The following CSNK1G1 variants were observed in gnomAD, a reference collection of about 807,000 sequenced individuals.
CSNK1G1 encodes casein kinase I isoform gamma-1.
In CSNK1G1, 22 loss-of-function variants were observed where a neutral mutation model predicts 59.6. The ratio of observed to expected loss-of-function variants is 0.37; its 90% CI spans 0.26 to 0.53. The LOEUF is 0.53. Ranked by LOEUF, CSNK1G1 falls within the 20% of genes least tolerant of loss-of-function variation. The probability of loss-of-function intolerance (pLI) is 0.89; values close to 1 mark genes in which losing one functional copy is unlikely to be tolerated. For missense variants in CSNK1G1, 384 were observed against 519.5 expected (o/e 0.74, Z 2.54); for synonymous variants, 179 against 177.1 (o/e 1.01, Z -0.08).
intron 10 of CSNK1G1, among the ~76,000 whole-genome samples, chr15:64,192,326 TA>T: frequency 6.6e-6 from 1 of 152,232 alleles, no homozygotes; most frequent in African/African-American, 2.4e-5. Flanking sequence ...CAAGTAGTGG[TA>T]ACTCCTTGGG....
chr15:64,181,431 C>G (rs1309141564), intron 10 of CSNK1G1: 2 of 1,524,538 alleles, frequency 1.3e-6, no homozygotes, highest in Non-Finnish European at 1.8e-6. Context: ...AAGACCTTGG[C>G]TGAAACATGG....
rs74775016 is a variant in CSNK1G1, at chr15:64,342,484, C to T, written c.-225+13504G>A. 100 of 152,278 alleles carry T rather than the reference C, an allele frequency of 6.6e-4. 1 individual carries two copies. Among genetic ancestry groups the T allele is most frequent in the African/African-American group, 2.4e-3 (99 of 41,532 alleles). The allele number at this position is 152,278 out of a possible 1,614,324, so 9.4% of individuals were successfully genotyped here. Reference sequence around the variant, plus strand: ...TTATGTCTGCATTTCCTCAACCAGCCCACTTCATTCATATCTTTTAGTAAT... The same window carrying T: ...TTATGTCTGCATTTCCTCAACCAGCTCACTTCATTCATATCTTTTAGTAAT... On this transcript the variant is annotated intron_variant, in intron 1 of 11. Coordinates refer to ENST00000303052, the MANE Select transcript of CSNK1G1 (RefSeq NM_022048.5).
chr15:64,222,734 A>G (rs2082407470), intron 4 of CSNK1G1, among the ~76,000 whole-genome samples: 1 of 151,986 alleles, frequency 6.6e-6, no homozygotes, highest in South Asian at 2.1e-4. Context: ...ACTGAGTCAG[A>G]ATTTCTAGGA....
rs1454005933 is a variant in CSNK1G1, at chr15:64,216,319, T to C, written c.444+243A>G. ...TTCTCCCTAATCTAAATTATATACT[T>C]CCTCTTCAGTTAAGGGCAGAGCATT... On this transcript the variant is annotated intron_variant, in intron 5 of 11. Transcript: ENST00000303052. This position sits in a 1 kb window ranked among gnomAD's most constrained non-coding sequence, Gnocchi z 4.6. Among the ~76,000 whole-genome samples, 2 of 152,164 alleles carry C rather than the reference T, an allele frequency of 1.3e-5. No homozygotes were observed. Among genetic ancestry groups the C allele is most frequent in the African/African-American group, 4.8e-5 (2 of 41,434 alleles).
At chr15:64,249,593 A>C (rs1891961339) in intron 4 of CSNK1G1, among the ~76,000 whole-genome samples, 1 of 152,226 alleles carries the variant, frequency 6.6e-6, no homozygotes, top group Non-Finnish European at 1.5e-5. Flanking sequence ...AGTTGGCCTA[A>C]CCAGTACAAC....
chr15:64,266,530 T>A (rs1233224491), intron 2 of CSNK1G1, among the ~76,000 whole-genome samples: 2 of 152,222 alleles, frequency 1.3e-5, no homozygotes, highest in East Asian at 3.9e-4. Context: ...ATCCTAAAAT[T>A]CATATGGAAC....
At chr15:64,307,351 A>G (rs1281061667) in intron 1 of CSNK1G1, among the ~76,000 whole-genome samples, 2 of 152,154 alleles carry the variant, frequency 1.3e-5, no homozygotes, top group Non-Finnish European at 2.9e-5. Context: ...TAATAATTCT[A>G]TCTAAAAAAA....
chr15:64,271,115 G>A (rs1007160050), intron 2 of CSNK1G1, among the ~76,000 whole-genome samples: 1 of 151,856 alleles, frequency 6.6e-6, no homozygotes, highest in Non-Finnish European at 1.5e-5. Flanking sequence ...CCTGAGCAGA[G>A]TAGCTGGGAC....
chr15:64,258,779 T>C (rs1433352155), intron 3 of CSNK1G1, among the ~76,000 whole-genome samples: 4 of 152,190 alleles, frequency 2.6e-5, no homozygotes, highest in African/African-American at 9.6e-5. Flanking sequence ...TTTCCATGCT[T>C]GACAGATTTT....
chr15:64,255,001 T>C (rs1596166894), intron 3 of CSNK1G1, among the ~76,000 whole-genome samples: 2 of 152,236 alleles, frequency 1.3e-5, no homozygotes, highest in Non-Finnish European at 2.9e-5. Flanking sequence ...ACTTCACTGT[T>C]ATGTGGGTAT....
intron 2 of CSNK1G1, among the ~76,000 whole-genome samples, chr15:64,266,506 A>C (rs1435901626): frequency 6.6e-6 from 1 of 152,220 alleles, no homozygotes; most frequent in African/African-American, 2.4e-5. Flanking sequence ...TTCAACACAG[A>C]AAGAGAAAAA....
intron 2 of CSNK1G1, among the ~76,000 whole-genome samples, chr15:64,280,747 G>C (rs1335299796): frequency 1.3e-5 from 2 of 152,042 alleles, no homozygotes; most frequent in South Asian, 4.1e-4. Flanking sequence ...TAAGCATTCA[G>C]AAACAGCCAA....
chr15:64,198,475 G>A (rs980795233), intron 10 of CSNK1G1, among the ~76,000 whole-genome samples: 1 of 151,814 alleles, frequency 6.6e-6, no homozygotes, highest in Admixed American at 6.6e-5. Flanking sequence ...CAAAGTGCTG[G>A]GATTACACGT....
intron 1 of CSNK1G1, among the ~76,000 whole-genome samples, chr15:64,322,358 T>G (rs1896608997): frequency 6.6e-6 from 1 of 152,084 alleles, no homozygotes; most frequent in South Asian, 2.1e-4. Context: ...TCTCTTTTTT[T>G]TTTAAATACA....
chr15:64,344,555 G>A (rs3848147), intron 1 of CSNK1G1, among the ~76,000 whole-genome samples: 144,947 of 152,280 alleles, frequency 0.95, 69,315 homozygotes, highest in East Asian at 1. Flanking sequence ...TTTGCTCATA[G>A]AAATCCAGTG....
chr15:64,251,453 T>C, intron 4 of CSNK1G1, 59 bp downstream of exon 4: 2 of 1,282,984 alleles, frequency 1.6e-6, no homozygotes, highest in East Asian at 2.4e-5. Flanking sequence ...AATTTGTATA[T>C]TTTAGGGCTT....
rs902463638 is a variant in CSNK1G1 at position 64,210,404 on chromosome 15, G to T, written c.680-2810C>A. On this transcript the variant is annotated intron_variant, in intron 6 of 11. Transcript: ENST00000303052. The surrounding 1 kb of genome is among the most constrained non-coding windows in gnomAD (Gnocchi z 4.2). The stretch of plus-strand genomic sequence containing the variant: ...ACCAGAGCATGCTTTATTTTCATAC[G>T]ACTTTGAACACTCCACACTTGTCCA... Among the ~76,000 whole-genome samples, 1 of 152,056 alleles carries T rather than the reference G, an allele frequency of 6.6e-6. No homozygotes were observed. Among genetic ancestry groups the T allele is most frequent in the African/African-American group, 2.4e-5 (1 of 41,398 alleles).
chr15:64,337,059 C>T (rs1356419298), intron 1 of CSNK1G1, among the ~76,000 whole-genome samples: 7 of 151,894 alleles, frequency 4.6e-5, no homozygotes, highest in Non-Finnish European at 8.8e-5. Context: ...GAAACCCCAT[C>T]TCTACTAAAA....
At position 64,216,455 on chromosome 15, in the gene CSNK1G1, G is replaced by T; in HGVS notation, c.444+107C>A. On this transcript the variant is annotated intron_variant, in intron 5 of 11. Transcript: ENST00000303052. This position sits in a 1 kb window ranked among gnomAD's most constrained non-coding sequence, Gnocchi z 4.6. The stretch of plus-strand genomic sequence containing the variant: ...TCCCAGAATGCCATCAAGCCTGTGA[G>T]TACTAATTCTTGATGTGTTGCTACG... The T allele has an allele frequency of 9.0e-7, 1 of 1,111,228 alleles. No individual in the cohort carries two copies. The highest frequency in any genetic ancestry group is 1.3e-6 in the Non-Finnish European group (1 of 768,004). The allele number at this position is 1,111,228 out of a possible 1,614,324, so 68.8% of individuals were successfully genotyped here. A position where few individuals can be genotyped will look rare whatever the true frequency, so the allele number is the denominator to read the frequency against.
Sources: allele counts gnomAD v4.1 joint callset (sites outside exome capture counted in the v4.1 genomes callset), GRCh38; gene constraint gnomAD v4.1.1; non-coding constraint Gnocchi (gnomAD v3.1); transcripts MANE v1.5; gene names NCBI Gene and HGNC (gene_info 2026-07-23, HGNC 2026-07-21).